The following GALNTL6 variants were observed in gnomAD, a reference collection of about 807,000 sequenced individuals.
The protein encoded by GALNTL6 is polypeptide N-acetylgalactosaminyltransferase-like 6.
A neutral mutation model predicts 73.7 loss-of-function variants in GALNTL6; 46 were observed. The ratio of observed to expected loss-of-function variants is 0.62; its 90% CI spans 0.49 to 0.80. The LOEUF is 0.80. Among genes scored for constraint, GALNTL6 ranks in the 30% least tolerant of loss-of-function variants. The pLI is 0.00. For synonymous variants in GALNTL6, 259 were observed against 263.7 expected (o/e 0.98, Z 0.17); for missense variants, 604 against 755.0 (o/e 0.80, Z 2.34).
intron 10 of GALNTL6, among the ~76,000 whole-genome samples, chr4:172,961,876 C>T (rs566841608): frequency 5.3e-5 from 8 of 152,278 alleles, no homozygotes; most frequent in Non-Finnish European, 7.4e-5. Context: ...GGAGGTCCCC[C>T]GATCTGAGTC....
chr4:172,929,632 T>A (rs1416921229), intron 8 of GALNTL6, among the ~76,000 whole-genome samples: 3 of 152,102 alleles, frequency 2.0e-5, no homozygotes, highest in Admixed American at 6.6e-5. Flanking sequence ...CCCATCGACA[T>A]CATGGAAGGT....
intron 9 of GALNTL6, among the ~76,000 whole-genome samples, chr4:172,932,747 A>T (rs2610186): frequency 0.13 from 19,840 of 152,216 alleles, 1,617 homozygotes; most frequent in African/African-American, 0.21. Flanking sequence ...AATTTTATAC[A>T]ATATTTTTAA....
At chr4:172,899,198 C>T (rs1197230789) in intron 8 of GALNTL6, among the ~76,000 whole-genome samples, 2 of 152,134 alleles carry the variant, frequency 1.3e-5, no homozygotes, top group South Asian at 2.1e-4. Flanking sequence ...GTCTGTGGCT[C>T]GTCCTGCTAC....
At chr4:172,679,698 A>G (rs996381266) in intron 5 of GALNTL6, among the ~76,000 whole-genome samples, 2 of 152,214 alleles carry the variant, frequency 1.3e-5, no homozygotes, top group Admixed American at 6.5e-5. Flanking sequence ...TGCATAGTTC[A>G]TATACATTGC....
chr4:171,994,600 C>T (rs1447830924), intron 2 of GALNTL6, among the ~76,000 whole-genome samples: 1 of 151,954 alleles, frequency 6.6e-6, no homozygotes, highest in African/African-American at 2.4e-5. Context: ...ACACTAAAAT[C>T]TCAGAAATCA....
At chr4:171,872,978 G>A (rs989694354) in intron 2 of GALNTL6, among the ~76,000 whole-genome samples, 3 of 152,058 alleles carry the variant, frequency 2.0e-5, no homozygotes, top group African/African-American at 7.2e-5. Context: ...ATTATGGGAG[G>A]GAAGATGATT....
At chr4:172,649,292 C>T (rs1740375718) in intron 5 of GALNTL6, among the ~76,000 whole-genome samples, 1 of 152,066 alleles carries the variant, frequency 6.6e-6, no homozygotes, top group Non-Finnish European at 1.5e-5. Context: ...GTTTAAAAAA[C>T]AGGGAGGGGG....
chr4:172,268,462 T>C (rs1384302203), intron 3 of GALNTL6, among the ~76,000 whole-genome samples: 1 of 152,248 alleles, frequency 6.6e-6, no homozygotes, highest in Non-Finnish European at 1.5e-5. Context: ...TGGGCTTTTA[T>C]GCCACAGGTG....
chr4:172,362,611 A>G (rs1742411551), intron 5 of GALNTL6, among the ~76,000 whole-genome samples: 1 of 152,040 alleles, frequency 6.6e-6, no homozygotes, highest in Non-Finnish European at 1.5e-5. Context: ...CAGTTTTTTC[A>G]TTCTGTACAA....
At chr4:172,672,063 G>C (rs950573170) in intron 5 of GALNTL6, among the ~76,000 whole-genome samples, 3 of 152,040 alleles carry the variant, frequency 2.0e-5, no homozygotes, top group Admixed American at 6.6e-5. Context: ...GCTGATTTTT[G>C]TCTTTTTAGT....
intron 5 of GALNTL6, among the ~76,000 whole-genome samples, chr4:172,480,179 T>C (rs1733392396): frequency 6.6e-6 from 1 of 151,998 alleles, no homozygotes; most frequent in Admixed American, 6.6e-5. Context: ...TGGTGGCACA[T>C]ATCTATAGTC....
intron 4 of GALNTL6, among the ~76,000 whole-genome samples, chr4:172,347,858 C>A (rs925575848): frequency 1.3e-5 from 2 of 152,026 alleles, no homozygotes; most frequent in African/African-American, 2.4e-5. Context: ...AAAAATACTT[C>A]TTTTTCATCT....
intron 2 of GALNTL6, among the ~76,000 whole-genome samples, chr4:171,873,031 T>A (rs1369493589): frequency 6.6e-6 from 1 of 152,210 alleles, no homozygotes; most frequent in Non-Finnish European, 1.5e-5. Flanking sequence ...AGATACTTAT[T>A]ACTATCATAG....
At chr4:171,825,197 T>G (rs1310413861) in intron 2 of GALNTL6, among the ~76,000 whole-genome samples, 1 of 152,152 alleles carries the variant, frequency 6.6e-6, no homozygotes, top group African/African-American at 2.4e-5. Flanking sequence ...AGTTTTAACG[T>G]TGTTGTTTTG....
chr4:172,716,218 C>A (rs1735079468), intron 5 of GALNTL6, among the ~76,000 whole-genome samples: 2 of 152,092 alleles, frequency 1.3e-5, no homozygotes, highest in Non-Finnish European at 2.9e-5. Context: ...GACAGAAAAA[C>A]CCACACAACA....
intron 5 of GALNTL6, among the ~76,000 whole-genome samples, chr4:172,806,271 C>T (rs949704234): frequency 2.6e-5 from 4 of 152,134 alleles, no homozygotes; most frequent in African/African-American, 9.7e-5. Context: ...CTGATCTAAA[C>T]ATCTAATGGA....
intron 3 of GALNTL6, among the ~76,000 whole-genome samples, chr4:172,292,474 A>G (rs1739510042): frequency 6.6e-6 from 1 of 152,148 alleles, no homozygotes; most frequent in East Asian, 1.9e-4. Flanking sequence ...TTTCTGTAAA[A>G]TTGATCTTCA....
At chr4:172,666,646 CT>C (rs1472717522) in intron 5 of GALNTL6, 1 of 152,088 alleles carries the variant, frequency 6.6e-6, no homozygotes, top group Non-Finnish European at 1.5e-5. Flanking sequence ...CCTCATTTTT[CT>C]TTAAAAAACT....
rs117582267 is a variant in GALNTL6 at position 172,073,345 on chromosome 4, C to A, written c.139-156311C>A. On this transcript the variant is annotated intron_variant, in intron 2 of 12. Coordinates refer to ENST00000506823, the MANE Select transcript of GALNTL6 (RefSeq NM_001034845.3). ...CTGATTCACTGACATAGGTATAGTTCTAAGAACAGTACCAGGCATATGGCA... is the reference window on the plus strand; with the variant it reads ...CTGATTCACTGACATAGGTATAGTTATAAGAACAGTACCAGGCATATGGCA... 3.8e-4 allele frequency among the ~76,000 whole-genome samples: 58 copies of A among 152,218 alleles called. No homozygotes were observed. The East Asian group carries it at 0.01, about 27-fold the overall frequency.
Sources: gnomAD v4.1 joint callset for allele counts (sites outside exome capture counted in the v4.1 genomes callset) on GRCh38, gnomAD v4.1.1 for gene constraint, MANE v1.5 for transcripts, NCBI Gene and HGNC (gene_info 2026-07-23, HGNC 2026-07-21) for gene names.